SQOR: variants seen among roughly 807,000 people sequenced by gnomAD.
SQOR encodes the protein sulfide:quinone oxidoreductase, mitochondrial.
Under a neutral mutation model 48.6 loss-of-function variants are expected in SQOR, and 39 were observed. The ratio of observed to expected loss-of-function variants is 0.80; its 90% confidence interval spans 0.62 to 1.05. The LOEUF is 1.05. Ranked by LOEUF, SQOR falls within the 50% of genes least tolerant of loss-of-function variation. The probability of loss-of-function intolerance (pLI) is 0.00; values close to 1 mark genes in which losing one functional copy is unlikely to be tolerated. For missense variants in SQOR, 561 were observed against 559.9 expected (o/e 1.00, Z -0.02); for synonymous variants, 220 against 206.2 (o/e 1.07, Z -0.57).
chr15:45,669,008 C>G (rs2140953672), intron 3 of SQOR, among the ~76,000 whole-genome samples: 1 of 152,022 alleles, frequency 6.6e-6, no homozygotes, highest in South Asian at 2.1e-4. Context: ...TTTCAATGAC[C>G]TTGAGATTGC....
intron 1 of SQOR, among the ~76,000 whole-genome samples, chr15:45,644,337 C>T (rs540616499): frequency 7.9e-5 from 12 of 152,266 alleles, no homozygotes; most frequent in African/African-American, 1.4e-4. Context: ...CCACCTGCCT[C>T]GGCCTTCTAA....
rs1269955172 is a variant in SQOR at position 45,673,818 on chromosome 15, G to T, written c.654+17G>T. On this transcript the variant is annotated intron_variant, in intron 5 of 9. Coordinates refer to ENST00000260324, the MANE Select transcript of SQOR (RefSeq NM_021199.4). ...TTCAGGAAGGTATGCTTCCTTTCTG[G>T]GGACAGAGATGAGCAGGGCGGACAG... is the stretch of plus-strand genomic sequence containing the variant. 6.2e-7 allele frequency: 1 copy of T among 1,612,924 alleles called. No homozygotes were observed.
At chr15:45,678,034 T>C (rs542065177) in intron 6 of SQOR, among the ~76,000 whole-genome samples, 3 of 152,254 alleles carry the variant, frequency 2.0e-5, no homozygotes, top group East Asian at 3.9e-4. Flanking sequence ...GACTGGAACA[T>C]TGCATAAGCA....
chr15:45,664,910 G>A (rs756902178), intron 3 of SQOR, among the ~76,000 whole-genome samples: 37 of 151,430 alleles, frequency 2.4e-4, no homozygotes, highest in Admixed American at 8.6e-4. Context: ...CAATGTCTCC[G>A]GGAGACCAGA....
chr15:45,673,712 A>G lies in SQOR; in HGVS notation c.565A>G (p.Asn189Asp), dbSNP rs546292950. The G allele has an allele frequency of 3.1e-6, 5 of 1,614,202 alleles. No homozygotes were observed. In the South Asian group the frequency reaches 4.4e-5, roughly 14 times the overall value. ...WKALQDFKEG[N>D]AIFTFPNTPV... ...AGCTCTGCAGGACTTCAAAGAGGGC[A>G]ATGCCATCTTCACCTTCCCAAATAC... Residue 189 changes from asparagine to aspartate, a missense_variant, in exon 5 of 10, where the codon AAT becomes GAT. Asn to Asp is a conservative substitution (Grantham distance 23). Transcript: ENST00000260324.
intron 1 of SQOR, among the ~76,000 whole-genome samples, chr15:45,654,720 A>G (rs1889562703): frequency 6.6e-6 from 1 of 152,144 alleles, no homozygotes; most frequent in Non-Finnish European, 1.5e-5. Flanking sequence ...GACAGGAGAA[A>G]AGAGAAAGAA....
chr15:45,644,489 T>C (rs1444988126), intron 1 of SQOR, among the ~76,000 whole-genome samples: 1 of 152,194 alleles, frequency 6.6e-6, no homozygotes, highest in Non-Finnish European at 1.5e-5. Flanking sequence ...AGTTGGCACA[T>C]GCATTTTAAT....
At chr15:45,653,835 T>G (rs1236861933) in intron 1 of SQOR, among the ~76,000 whole-genome samples, 1 of 152,112 alleles carries the variant, frequency 6.6e-6, no homozygotes, top group East Asian at 1.9e-4. Flanking sequence ...TATTACACCA[T>G]GGTTTAAAAG....
chr15:45,688,548 G>A, intron 8 of SQOR, 144 bp downstream of exon 8: 6 of 606,782 alleles, frequency 9.9e-6, no homozygotes, highest in South Asian at 8.9e-5. Flanking sequence ...GTTTGCTCTT[G>A]TTGCCCAGGC....
chr15:45,683,326 A>T (rs898338827), intron 7 of SQOR, among the ~76,000 whole-genome samples: 1 of 152,222 alleles, frequency 6.6e-6, no homozygotes, highest in African/African-American at 2.4e-5. Context: ...CTCGAGGAGC[A>T]TTTGTTTTCC....
chr15:45,683,025 T>C (rs1209689320), intron 7 of SQOR, among the ~76,000 whole-genome samples: 2 of 81,814 alleles, frequency 2.4e-5, no homozygotes, highest in South Asian at 3.4e-4. Flanking sequence ...AGGCTTCATC[T>C]CAAAAAAAAA....
intron 6 of SQOR, 107 bp from the exon 7 acceptor site, chr15:45,682,371 C>T (rs1890138414): frequency 2.6e-6 from 3 of 1,169,222 alleles, no homozygotes; most frequent in Non-Finnish European, 3.6e-6. Flanking sequence ...GTATAATGCT[C>T]CATGCAGCCA....
At chr15:45,650,986 G>A (rs565568403) in intron 1 of SQOR, among the ~76,000 whole-genome samples, 6 of 152,338 alleles carry the variant, frequency 3.9e-5, no homozygotes, top group African/African-American at 1.4e-4. Flanking sequence ...AGGCGGAGCT[G>A]CCCCCGGGTC....
chr15:45,676,848 C>A (rs772749763), intron 6 of SQOR, among the ~76,000 whole-genome samples: 2 of 152,134 alleles, frequency 1.3e-5, no homozygotes, highest in Non-Finnish European at 2.9e-5. Context: ...CGAGACCAGG[C>A]TGGCCAACAT....
Position 45,658,979 on chromosome 15 carries a change from T to A in SQOR, c.56T>A (p.Leu19Gln). ...SGPRAQLFAC[L>Q]LRLGTQQVGP... ...CCCCGTGCCCAGCTCTTTGCCTGCCTGCTCAGGCTGGGCACTCAGCAGGTC... is the reference window on the plus strand; with the variant it reads ...CCCCGTGCCCAGCTCTTTGCCTGCCAGCTCAGGCTGGGCACTCAGCAGGTC... The change falls in exon 2 of 10, where the codon CTG (leucine) becomes CAG (glutamine). Residue 19 changes from leucine (L) to glutamine (Q), a missense_variant. By Grantham distance (113) the Leu-to-Gln change is moderately radical (BLOSUM62 -2). Coordinates refer to ENST00000260324, the MANE Select transcript of SQOR (RefSeq NM_021199.4). 1 of 1,597,366 alleles carries A rather than the reference T, an allele frequency of 6.3e-7. No individual in the cohort carries two copies. The highest frequency in any genetic ancestry group is 8.5e-7 in the Non-Finnish European group (1 of 1,170,608).
Position 45,676,125 on chromosome 15 carries a change from A to G in SQOR, c.679A>G (p.Ile227Val). The G allele has an allele frequency of 1.9e-6, 3 of 1,614,058 alleles. No individual in the cohort carries two copies. Among genetic ancestry groups the G allele is most frequent in the Non-Finnish European group, 1.7e-6 (2 of 1,180,022 alleles). Reference protein sequence around the residue: ...RKTGKRSKANIIFNTSLGAIF... With the variant: ...RKTGKRSKANVIFNTSLGAIF... ...GACAGGGAAGCGATCCAAGGCCAAT[A>G]TCATTTTCAACACTTCTCTTGGAGC... The change falls in exon 6 of 10, where the codon ATC becomes GTC. Residue 227 changes from isoleucine (I) to valine (V), a missense_variant. Transcript: ENST00000260324.
intron 5 of SQOR, among the ~76,000 whole-genome samples, chr15:45,674,383 TGA>T (rs1273112633): frequency 2.0e-5 from 3 of 151,476 alleles, no homozygotes; most frequent in Non-Finnish European, 4.4e-5. Context: ...GAGGTTGTGG[TGA>T]GCCAAGATTG....
At chr15:45,655,039 G>A (rs896982885) in intron 1 of SQOR, among the ~76,000 whole-genome samples, 4 of 152,212 alleles carry the variant, frequency 2.6e-5, no homozygotes, top group Non-Finnish European at 5.9e-5. Context: ...CAGCATCTAT[G>A]TCTGCAGCTC....
At chr15:45,669,293 C>A (rs571753747) in intron 3 of SQOR, among the ~76,000 whole-genome samples, 19 of 152,088 alleles carry the variant, frequency 1.2e-4, no homozygotes, top group Middle Eastern at 3.4e-3. Flanking sequence ...CTTCAGCCCC[C>A]CTGGGGACTA....
Sources: allele counts gnomAD v4.1 joint callset (sites outside exome capture counted in the v4.1 genomes callset), GRCh38; gene constraint gnomAD v4.1.1; transcripts MANE v1.5; gene names NCBI Gene and HGNC (gene_info 2026-07-23, HGNC 2026-07-21).